MYH7B: variants seen among roughly 807,000 people sequenced by gnomAD.
MYH7B encodes the protein myosin heavy chain 7B, also known as myosin-7B.
Under a neutral mutation model 234.5 loss-of-function variants are expected in MYH7B, and 205 were observed. The ratio of observed to expected loss-of-function variants is 0.87; its 90% CI spans 0.78 to 0.98. The LOEUF (loss-of-function observed/expected upper bound fraction) is 0.98. MYH7B is among the 50% of genes least tolerant of loss of function. MYH7B has a pLI of 0.00. For synonymous variants in MYH7B, 1,193 were observed against 1,105.0 expected, an observed-to-expected ratio of 1.08 and a Z score of -1.58; for missense variants, 2,652 against 2,633.4, an observed-to-expected ratio of 1.01 and a Z score of -0.15.
chr20:34,983,298 C>CTTTTTTTTTTT (rs57589264), intron 10 of MYH7B, among the ~76,000 whole-genome samples: 6 of 71,668 alleles, frequency 8.4e-5, no homozygotes, highest in African/African-American at 1.5e-4. Flanking sequence ...CTTTTCTTTT[C>CTTTTTTTTTTT]TTTTTTTTTT....
At chr20:34,990,300 A>G in exon 22 of MYH7B, 1 of 1,614,196 alleles carries the variant, frequency 6.2e-7, no homozygotes, top group Non-Finnish European at 8.5e-7. Context: ...ACGGTGTCCC[A>G]GCTGCACAAG....
rs368379257 is a variant in MYH7B, at chr20:34,987,274, C to T, written c.1134C>T (p.Ala378=). Residue 378 remains alanine, a synonymous_variant, in exon 16 of 45, where the codon GCC becomes GCT. Transcript: ENST00000262873. ...AGCAGCGGGAGGAGCAGGCGGAGGC[C>T]GATGGCACTGAGAGTGAGGGGCCCT... 7.3e-5 allele frequency: 118 copies of T among 1,610,940 alleles called. 2 individuals carry two copies. In the South Asian group the frequency reaches 7.7e-4, roughly 11 times the overall value.
intron 9 of MYH7B, chr20:34,981,854 GAAAAAAAAAAA>G (rs55752676): frequency 4.1e-4 from 27 of 65,950 alleles, no homozygotes; most frequent in South Asian, 4.6e-4. Context: ...TCCATCTCAC[GAAAAAAAAAAA>G]AAAAAAAAAA....
rs1448266079 is a variant in MYH7B at position 34,990,423 on chromosome 20, A to T, written c.1977+113A>T. On this transcript the variant is annotated intron_variant, in intron 22 of 44. Transcript: ENST00000262873. ...CGGGCGGCTGTTAAGACTTGCAGTG[A>T]TGTTTAACTCCTCTCCACGTGAACA... The T allele has an allele frequency of 2.7e-6, 3 of 1,100,686 alleles. No homozygotes were observed. The African/African-American group carries it at 4.6e-5, about 17-fold the overall frequency. 68.2% of individuals were successfully genotyped at this position (1,100,686 alleles called of 1,614,324 possible).
At chr20:34,988,094 C>T (rs370216104) in exon 19 of MYH7B, 1 of 1,612,442 alleles carries the variant, frequency 6.2e-7, no homozygotes, top group Non-Finnish European at 8.5e-7. Context: ...TCTTGTAGTT[C>T]AACAGCTTCG....
At chr20:34,956,459 C>A (rs1569022149) in intron 1 of MYH7B, among the ~76,000 whole-genome samples, 2 of 152,112 alleles carry the variant, frequency 1.3e-5, no homozygotes, top group Admixed American at 1.3e-4. Context: ...GCTTGGCAGC[C>A]CCCAGGTGCC....
Position 34,993,479 on chromosome 20 carries a change from G to T in MYH7B, c.2444+9G>T. 6.3e-7 allele frequency: 1 copy of T among 1,584,576 alleles called. No homozygotes were observed. The highest frequency in any genetic ancestry group is 2.3e-5 in the East Asian group (1 of 43,712). ...CGCCTGCTGGGAGGCAGGTGGGTGTGGGAAGGAGGCTGGGGACAGGGTGTG... is the reference window on the plus strand; with the variant it reads ...CGCCTGCTGGGAGGCAGGTGGGTGTTGGAAGGAGGCTGGGGACAGGGTGTG... On this transcript the variant is annotated intron_variant, in intron 26 of 44. Transcript: ENST00000262873.
intron 2 of MYH7B, among the ~76,000 whole-genome samples, chr20:34,967,808 G>A (rs1361645268): frequency 6.6e-6 from 1 of 152,210 alleles, no homozygotes; most frequent in Non-Finnish European, 1.5e-5. Context: ...AACTGACCAA[G>A]CCTGGGGCAA....
chr20:34,979,617 G>A (rs761879621), intron 6 of MYH7B, 44 bp from the exon 7 acceptor site: 23 of 1,612,248 alleles, frequency 1.4e-5, no homozygotes, highest in African/African-American at 2.7e-5. Context: ...GAGGTCGGTC[G>A]GTTCCTCCCG....
exon 15 of MYH7B, chr20:34,986,930 A>G (rs2082036345): frequency 8.1e-6 from 13 of 1,614,112 alleles, no homozygotes; most frequent in Non-Finnish European, 1.0e-5. Flanking sequence ...CCACTTCTGC[A>G]GCCAGGGCGT....
At chr20:34,982,328 T>G in intron 9 of MYH7B, 131 bp from the exon 10 acceptor site, 1 of 738,414 alleles carries the variant, frequency 1.4e-6, no homozygotes, top group Non-Finnish European at 2.4e-6. Flanking sequence ...CCTCTGAGGG[T>G]TGATCCATCC....
intron 10 of MYH7B, 53 bp downstream of exon 10, chr20:34,982,608 T>C (rs1322894387): frequency 2.8e-6 from 4 of 1,418,502 alleles, no homozygotes; most frequent in East Asian, 2.4e-5. Flanking sequence ...TGTTTTTCTT[T>C]TCTTTCTTCC....
rs190201202 is a variant in MYH7B at position 34,987,845 on chromosome 20, C to T, written c.1347C>T (p.Thr449=). 4.0e-4 allele frequency: 645 copies of T among 1,613,404 alleles called. 2 individuals are homozygous for T. The African/African-American group carries it at 6.7e-3, about 17-fold the overall frequency. Residue 449 remains threonine (T), a synonymous_variant, in exon 18 of 45, where the codon ACC becomes ACT. Transcript: ENST00000262873. ...GGCTGGTGTCTCGGATCAACCAGAC[C>T]CTGGACACAAAGCTGCCCCGGCAGT...
exon 28 of MYH7B, chr20:34,995,495 T>C: frequency 6.2e-7 from 1 of 1,613,900 alleles, no homozygotes; most frequent in Non-Finnish European, 8.5e-7. Flanking sequence ...GGAGGACGAG[T>C]GCACGGAGCT....
chr20:34,990,922 C>T (rs767334421), intron 23 of MYH7B, 82 bp from the exon 24 acceptor site: 47 of 1,556,854 alleles, frequency 3.0e-5, no homozygotes, highest in Non-Finnish European at 3.8e-5. Context: ...CCCCTCACCT[C>T]GCAGGGTCTC....
rs138736440 is a variant in MYH7B at position 34,971,158 on chromosome 20, G to A, written c.-221-4242G>A. Among the ~76,000 whole-genome samples, 21 of 152,306 alleles carry A rather than the reference G, an allele frequency of 1.4e-4. No homozygotes were observed. The East Asian group carries it at 3.5e-3, about 25-fold the overall frequency. On this transcript the variant is annotated intron_variant, in intron 2 of 44. Coordinates refer to ENST00000262873, the Ensembl canonical transcript of MYH7B. The stretch of plus-strand genomic sequence containing the variant: ...AGGTTGTGCTGTCAGGCCTGGTCAT[G>A]GCTTGAATTCACTGTATGACATCAA...
chr20:34,964,957 A>G (rs2081729973), intron 2 of MYH7B, among the ~76,000 whole-genome samples: 1 of 152,024 alleles, frequency 6.6e-6, no homozygotes, highest in Non-Finnish European at 1.5e-5. Context: ...TAATGATTAT[A>G]TGTTGAACTC....
At chr20:34,971,384 G>A (rs2081792324) in intron 2 of MYH7B, among the ~76,000 whole-genome samples, 1 of 152,150 alleles carries the variant, frequency 6.6e-6, no homozygotes, top group African/African-American at 2.4e-5. Context: ...GGGGACAGCT[G>A]GTTCCCCACC....
chr20:34,960,368 T>C (rs1316214813), intron 2 of MYH7B, among the ~76,000 whole-genome samples: 3 of 152,192 alleles, frequency 2.0e-5, no homozygotes, highest in Non-Finnish European at 2.9e-5. Flanking sequence ...CCCGAGTAGC[T>C]GGGACTACAG....
Sources: allele counts gnomAD v4.1 joint callset (sites outside exome capture counted in the v4.1 genomes callset), GRCh38; gene constraint gnomAD v4.1.1; transcripts MANE v1.5; gene names NCBI Gene and HGNC (gene_info 2026-07-23, HGNC 2026-07-21).